Variants in OXR1 observed in about 807,000 individuals in gnomAD.
The protein encoded by OXR1 is oxidation resistance 1.
In OXR1, 41 loss-of-function variants were observed where a neutral mutation model predicts 104.6. The observed-to-expected ratio is 0.39, with a 90% confidence interval of 0.31 to 0.51. The LOEUF (loss-of-function observed/expected upper bound fraction) is 0.51, where lower values mean the gene tolerates loss of function less well. Among genes scored for constraint, OXR1 ranks in the 20% least tolerant of loss-of-function variants. OXR1 has a pLI of 0.77. For missense variants in OXR1, 955 were observed against 1,031.9 expected (o/e 0.93, Z 1.02); for synonymous variants, 348 against 348.4 (o/e 1.00, Z 0.01).
At position 106,397,012 on chromosome 8, in the gene OXR1, T is replaced by C. The variant is rs541190496; in HGVS notation, c.23+37376T>C. 1.8e-4 allele frequency among the ~76,000 whole-genome samples: 28 copies of C among 152,238 alleles called. No individual in the cohort carries two copies. The East Asian group carries it at 5.4e-3, about 29-fold the overall frequency. On this transcript the variant is annotated intron_variant, in intron 2 of 16. Transcript: ENST00000517566. ...AAACCCCCAGCAATTTGCAGACCAATATGTATAATATGCTACTATTTATAT... is the reference window on the plus strand; with the variant it reads ...AAACCCCCAGCAATTTGCAGACCAACATGTATAATATGCTACTATTTATAT...
intron 1 of OXR1, among the ~76,000 whole-genome samples, chr8:106,337,567 T>C (rs1289258417): frequency 3.3e-5 from 5 of 152,318 alleles, no homozygotes; most frequent in African/African-American, 1.2e-4. Context: ...GTTGTCCCCA[T>C]AGGAAACTCT....
intron 3 of OXR1, among the ~76,000 whole-genome samples, chr8:106,575,194 A>G (rs140561354): frequency 1.0e-3 from 159 of 152,294 alleles, no homozygotes; most frequent in African/African-American, 3.6e-3. Flanking sequence ...TAATGCTACT[A>G]TCATCATCTT....
intron 2 of OXR1, among the ~76,000 whole-genome samples, chr8:106,486,643 G>A (rs1810676842): frequency 6.6e-6 from 1 of 152,052 alleles, no homozygotes; most frequent in Non-Finnish European, 1.5e-5. Context: ...GCCTGAAACT[G>A]TGGAAAATAG....
intron 3 of OXR1, among the ~76,000 whole-genome samples, chr8:106,587,273 T>G (rs962987447): frequency 1.3e-5 from 2 of 150,298 alleles, no homozygotes; most frequent in African/African-American, 4.9e-5. Context: ...GTTCTCTAAT[T>G]TTTTTTTTTC....
chr8:106,704,778 A>G (rs1318965012), intron 8 of OXR1, among the ~76,000 whole-genome samples: 1 of 152,156 alleles, frequency 6.6e-6, no homozygotes, highest in African/African-American at 2.4e-5. Flanking sequence ...AGGATGCTGT[A>G]TAGCTCTTCC....
At chr8:106,365,626 T>C (rs1036137163) in intron 2 of OXR1, among the ~76,000 whole-genome samples, 1 of 152,168 alleles carries the variant, frequency 6.6e-6, no homozygotes, top group Admixed American at 6.5e-5. Context: ...ATTAGTAAAA[T>C]GATTAATACT....
chr8:106,739,616 T>C (rs752538100), intron 13 of OXR1, 33 bp downstream of exon 13: 9 of 1,607,502 alleles, frequency 5.6e-6, no homozygotes, highest in Non-Finnish European at 7.7e-6. Flanking sequence ...CATTTCTGAG[T>C]GTGAGTGTGT....
At chr8:106,675,949 G>T (rs1681884) in intron 3 of OXR1, among the ~76,000 whole-genome samples, 36,429 of 151,988 alleles carry the variant, frequency 0.24, 5,511 homozygotes, top group South Asian at 0.38. Context: ...CTAAGAACTT[G>T]CTTTATGAAT....
rs985275080 is a variant in OXR1, at chr8:106,718,720, T to C, written c.1956+4735T>C. 3.3e-5 allele frequency among the ~76,000 whole-genome samples: 5 copies of C among 152,024 alleles called. No individual in the cohort carries two copies. The East Asian group carries it at 9.7e-4, about 30-fold the overall frequency. ...CGGGCGTGGTGGCGGGCGCTTCTTG[T>C]TGTAGCTACTCGGGAGGCTGAGGCA... On this transcript the variant is annotated intron_variant, in intron 11 of 16. Transcript: ENST00000517566.
At chr8:106,711,526 T>C (rs947685726) in intron 10 of OXR1, among the ~76,000 whole-genome samples, 2 of 152,150 alleles carry the variant, frequency 1.3e-5, no homozygotes, top group African/African-American at 4.8e-5. Flanking sequence ...ACTTAACACA[T>C]TTACATATCT....
intron 1 of OXR1, among the ~76,000 whole-genome samples, chr8:106,278,575 A>G (rs1211441176): frequency 6.6e-6 from 1 of 152,200 alleles, no homozygotes; most frequent in Non-Finnish European, 1.5e-5. Flanking sequence ...AGTCTCTTAA[A>G]TGCAGTCATT....
intron 15 of OXR1, chr8:106,742,615 A>G (rs1835015579): frequency 5.3e-6 from 1 of 189,566 alleles, no homozygotes; most frequent in African/African-American, 2.4e-5. Context: ...GACCAATGGA[A>G]CAGAATAGAG....
chr8:106,547,859 A>G (rs900550218), intron 3 of OXR1, among the ~76,000 whole-genome samples: 5 of 151,782 alleles, frequency 3.3e-5, no homozygotes, highest in African/African-American at 9.7e-5. Context: ...CATTTTGCTT[A>G]CTCCATTCAT....
chr8:106,388,321 T>C (rs1336300574), intron 2 of OXR1, among the ~76,000 whole-genome samples: 6 of 152,200 alleles, frequency 3.9e-5, no homozygotes, highest in Non-Finnish European at 8.8e-5. Flanking sequence ...ATCCAATACC[T>C]GTGCATTTGG....
intron 2 of OXR1, among the ~76,000 whole-genome samples, chr8:106,423,289 G>A (rs1400218872): frequency 6.6e-6 from 1 of 152,118 alleles, no homozygotes; most frequent in African/African-American, 2.4e-5. Flanking sequence ...AAGTGCACAC[G>A]ATGGATACCC....
chr8:106,594,188 AT>A (rs564550167), intron 3 of OXR1, among the ~76,000 whole-genome samples: 8 of 149,762 alleles, frequency 5.3e-5, no homozygotes, highest in Middle Eastern at 3.5e-3. Flanking sequence ...CTGAGGCTTT[AT>A]TTTTTTTTTC....
At chr8:106,297,162 C>A (rs1813033422) in intron 1 of OXR1, among the ~76,000 whole-genome samples, 1 of 152,086 alleles carries the variant, frequency 6.6e-6, no homozygotes, top group South Asian at 2.1e-4. Context: ...ATTACTCATT[C>A]CTTTATAAAA....
chr8:106,510,760 T>A (rs981341028), intron 2 of OXR1, among the ~76,000 whole-genome samples: 1 of 152,328 alleles, frequency 6.6e-6, no homozygotes, highest in East Asian at 1.9e-4. Context: ...GTGGCTTAAT[T>A]CTTACATTTT....
At chr8:106,489,180 G>C (rs1015328318) in intron 2 of OXR1, among the ~76,000 whole-genome samples, 2 of 150,608 alleles carry the variant, frequency 1.3e-5, no homozygotes, top group African/African-American at 4.9e-5. Context: ...TATTCTCTTT[G>C]AAGCAATTGT....
Sources: gnomAD v4.1 joint callset for allele counts (sites outside exome capture counted in the v4.1 genomes callset) on GRCh38, gnomAD v4.1.1 for gene constraint, MANE v1.5 for transcripts, NCBI Gene and HGNC (gene_info 2026-07-23, HGNC 2026-07-21) for gene names.